The following NCAM2 variants were observed in gnomAD, a reference collection of about 807,000 sequenced individuals.
The protein encoded by NCAM2 is N-CAM-2.
A neutral mutation model predicts 98.1 loss-of-function variants in NCAM2; 30 were observed. The observed-to-expected ratio is 0.31, with a 90% confidence interval of 0.23 to 0.41. NCAM2 has a LOEUF of 0.41. Ranked by LOEUF, NCAM2 falls within the 10% of genes least tolerant of loss-of-function variation. NCAM2 has a pLI of 1.00. For synonymous variants in NCAM2, 368 were observed against 342.4 expected (o/e 1.07, Z -0.83); for missense variants, 867 against 1,005.8 (o/e 0.86, Z 1.87).
chr21:21,220,902 C>G (rs185145327), intron 1 of NCAM2, among the ~76,000 whole-genome samples: 1 of 152,266 alleles, frequency 6.6e-6, no homozygotes, highest in Non-Finnish European at 1.5e-5. Flanking sequence ...TAATATTGCT[C>G]TTGACAGATA....
At chr21:21,042,568 G>T (rs2064928066) in intron 1 of NCAM2, among the ~76,000 whole-genome samples, 1 of 152,074 alleles carries the variant, frequency 6.6e-6, no homozygotes, top group Non-Finnish European at 1.5e-5. Context: ...AAAATCTCAG[G>T]GATTTTTCTT....
At chr21:21,467,368 T>C (rs904622784) in intron 13 of NCAM2, among the ~76,000 whole-genome samples, 2 of 137,824 alleles carry the variant, frequency 1.5e-5, no homozygotes, top group African/African-American at 5.3e-5. Context: ...TAACACTGCC[T>C]GATATATATA....
chr21:21,280,660 T>A lies in NCAM2; in HGVS notation c.130+8T>A. ...AATTCTTCACATGTACAGGTACGTATTTCTGTAAATACCTTCAGATAACGT... is the reference window on the plus strand; with the variant it reads ...AATTCTTCACATGTACAGGTACGTAATTCTGTAAATACCTTCAGATAACGT... On this transcript the variant is annotated splice_region_variant and intron_variant, in intron 2 of 17. Transcript: ENST00000400546. The A allele has an allele frequency of 6.7e-7, 1 of 1,500,662 alleles. No individual in the cohort carries two copies. Among genetic ancestry groups the A allele is most frequent in the Non-Finnish European group, 9.0e-7 (1 of 1,106,946 alleles). The allele number at this position is 1,500,662 out of a possible 1,614,324, so 93.0% of individuals were successfully genotyped here.
intron 1 of NCAM2, among the ~76,000 whole-genome samples, chr21:21,258,202 A>G (rs2071750869): frequency 6.6e-6 from 1 of 152,182 alleles, no homozygotes; most frequent in Non-Finnish European, 1.5e-5. Flanking sequence ...ACTTTAAAGT[A>G]TAGGTATTTA....
chr21:21,247,897 C>G (rs1463688890), intron 1 of NCAM2, among the ~76,000 whole-genome samples: 4 of 152,022 alleles, frequency 2.6e-5, no homozygotes, highest in Non-Finnish European at 5.9e-5. Context: ...ATTCCTCGTC[C>G]TTTTCTCCTT....
chr21:21,267,484 T>C (rs960264015), intron 1 of NCAM2, among the ~76,000 whole-genome samples: 5 of 152,296 alleles, frequency 3.3e-5, no homozygotes, highest in African/African-American at 1.2e-4. Context: ...CTTAAGCATG[T>C]CAGTCAACAT....
rs914274363 is a variant in NCAM2, at chr21:21,283,255, G to A, written c.131-939G>A. Among the ~76,000 whole-genome samples, 5 of 151,894 alleles carry A rather than the reference G, an allele frequency of 3.3e-5. No homozygotes were observed. In the South Asian group the frequency reaches 6.2e-4, roughly 19 times the overall value. ...AACCATTTCTTCGGAAAAATGAGAA[G>A]GAATAATTTTCTTCAAAGAGGTCCT... is the stretch of plus-strand genomic sequence containing the variant. On this transcript the variant is annotated intron_variant, in intron 2 of 17. Transcript: ENST00000400546.
intron 9 of NCAM2, among the ~76,000 whole-genome samples, chr21:21,388,617 C>T (rs146369398): frequency 4.5e-4 from 68 of 152,174 alleles, no homozygotes; most frequent in African/African-American, 1.5e-3. Flanking sequence ...GAAATGCTGC[C>T]GGTACAACTG....
intron 1 of NCAM2, among the ~76,000 whole-genome samples, chr21:21,132,937 T>C (rs1159101904): frequency 1.3e-5 from 2 of 152,200 alleles, no homozygotes; most frequent in Admixed American, 1.3e-4. Context: ...CTGAGAATCA[T>C]TTTCTTGATA....
intron 1 of NCAM2, among the ~76,000 whole-genome samples, chr21:21,218,618 G>C (rs1289339594): frequency 6.6e-6 from 1 of 152,190 alleles, no homozygotes; most frequent in African/African-American, 2.4e-5. Context: ...TATAACTATG[G>C]AAGAAAGGCA....
intron 1 of NCAM2, among the ~76,000 whole-genome samples, chr21:21,001,796 T>C (rs2064023510): frequency 6.6e-6 from 1 of 152,196 alleles, no homozygotes; most frequent in African/African-American, 2.4e-5. Context: ...GCCAAAATCG[T>C]GAGGAAAGGA....
intron 2 of NCAM2, among the ~76,000 whole-genome samples, chr21:21,283,134 G>A (rs1283302622): frequency 6.6e-6 from 1 of 151,864 alleles, no homozygotes; most frequent in African/African-American, 2.4e-5. Context: ...TGAAGATAAT[G>A]TAACTGAGAT....
At chr21:21,310,761 C>T (rs977133236) in intron 5 of NCAM2, among the ~76,000 whole-genome samples, 2 of 152,168 alleles carry the variant, frequency 1.3e-5, no homozygotes, top group African/African-American at 4.8e-5. Context: ...CATCTTGGCT[C>T]TACTACAGTC....
Position 21,265,338 on chromosome 21 carries a change from A to G in NCAM2, c.56-15240A>G, listed in dbSNP as rs548635883. Among the ~76,000 whole-genome samples the G allele has an allele frequency of 3.8e-5, 5 of 130,718 alleles. No homozygotes were observed. In the East Asian group the frequency reaches 9.1e-4, roughly 24 times the overall value. The allele number at this position is 130,718 out of a possible 152,430, so 85.8% of individuals were successfully genotyped here. Reference sequence around the variant, plus strand: ...GTATATATACACATATATAATATATATGTGTATGTATGTATATATTATATT... The same window carrying G: ...GTATATATACACATATATAATATATGTGTGTATGTATGTATATATTATATT... On this transcript the variant is annotated intron_variant, in intron 1 of 17. Coordinates refer to ENST00000400546, the MANE Select transcript of NCAM2 (RefSeq NM_004540.5).
At chr21:21,102,458 G>C (rs571045526) in intron 1 of NCAM2, among the ~76,000 whole-genome samples, 13 of 151,804 alleles carry the variant, frequency 8.6e-5, no homozygotes, top group African/African-American at 3.1e-4. Flanking sequence ...GGTTTTGGGC[G>C]CATACAAGTA....
intron 1 of NCAM2, among the ~76,000 whole-genome samples, chr21:21,029,468 T>C (rs1476624381): frequency 1.3e-5 from 2 of 152,084 alleles, no homozygotes; most frequent in African/African-American, 2.4e-5. Flanking sequence ...ACTTTTGAGG[T>C]TGTCAGTTGG....
intron 4 of NCAM2, among the ~76,000 whole-genome samples, chr21:21,288,474 A>G (rs2073180558): frequency 6.6e-6 from 1 of 151,876 alleles, no homozygotes; most frequent in Non-Finnish European, 1.5e-5. Context: ...GGTATAGTTT[A>G]ACGTGAAACA....
chr21:21,047,696 G>GT (rs1385369217), intron 1 of NCAM2, among the ~76,000 whole-genome samples: 1 of 151,978 alleles, frequency 6.6e-6, no homozygotes, highest in East Asian at 1.9e-4. Flanking sequence ...ATTATGCATT[G>GT]TTTTTTTCTT....
chr21:21,494,367 A>G (rs564220342), intron 15 of NCAM2, among the ~76,000 whole-genome samples: 3 of 152,066 alleles, frequency 2.0e-5, no homozygotes, highest in East Asian at 1.9e-4. Flanking sequence ...CAGCCTTTCA[A>G]TGTTGACAGA....
Sources: gnomAD v4.1 joint callset for allele counts (sites outside exome capture counted in the v4.1 genomes callset) on GRCh38, gnomAD v4.1.1 for gene constraint, MANE v1.5 for transcripts, NCBI Gene and HGNC (gene_info 2026-07-23, HGNC 2026-07-21) for gene names.